FAM78B: variants seen among roughly 807,000 people sequenced by gnomAD.
FAM78B encodes family with sequence similarity 78 member B, also known as protein FAM78B.
In FAM78B, 10 loss-of-function variants were observed where a neutral mutation model predicts 20.0. That is an observed-to-expected ratio of 0.50 (90% CI 0.31 to 0.85). The LOEUF (loss-of-function observed/expected upper bound fraction) is 0.85. FAM78B is among the 40% of genes least tolerant of loss of function. The pLI is 0.05. For synonymous variants in FAM78B, 135 were observed against 132.8 expected, an observed-to-expected ratio of 1.02 and a Z score of -0.12; for missense variants, 283 against 345.0, an observed-to-expected ratio of 0.82 and a Z score of 1.42.
intron 1 of FAM78B, among the ~76,000 whole-genome samples, chr1:166,157,650 A>C (rs1048672275): frequency 2.0e-5 from 3 of 152,146 alleles, no homozygotes; most frequent in Non-Finnish European, 4.4e-5. Context: ...CCCTTCCACC[A>C]CCAGATGGGA....
chr1:166,094,042 T>C (rs1653180919), intron 1 of FAM78B, among the ~76,000 whole-genome samples: 1 of 150,426 alleles, frequency 6.6e-6, no homozygotes, highest in Admixed American at 6.6e-5. Flanking sequence ...TGTGTGTGTG[T>C]GTGTGGTGTT....
chr1:166,065,367 T>C (rs982757611), downstream of FAM78B, among the ~76,000 whole-genome samples: 4 of 152,162 alleles, frequency 2.6e-5, no homozygotes, highest in African/African-American at 9.7e-5. Context: ...TACAGGATTG[T>C]TGAGGATAAA....
At chr1:166,087,221 A>C (rs1179924349) in intron 1 of FAM78B, 1 of 151,860 alleles carries the variant, frequency 6.6e-6, no homozygotes, top group African/African-American at 2.4e-5. Flanking sequence ...GCCCGCCACC[A>C]TGCCGGCTAA....
rs1653010305 is a variant in FAM78B, at chr1:166,090,161, C to T, written c.264-19398G>A. Among the ~76,000 whole-genome samples the T allele has an allele frequency of 3.3e-5, 5 of 152,300 alleles. No homozygotes were observed. The South Asian group carries it at 1.0e-3, about 32-fold the overall frequency. On this transcript the variant is annotated intron_variant, in intron 1 of 1. Coordinates refer to ENST00000354422, the MANE Select transcript of FAM78B (RefSeq NM_001017961.5). ...CTCCCAGAGCCCTGTAATCTTCTTC[C>T]CAGTGTCTACTTTCTGGCCCTGAAC...
At chr1:166,089,975 C>A (rs533976408) in intron 1 of FAM78B, among the ~76,000 whole-genome samples, 1 of 152,182 alleles carries the variant, frequency 6.6e-6, no homozygotes, top group African/African-American at 2.4e-5. Context: ...TGGGGCTCTT[C>A]GCCCTCCTGG....
chr1:166,140,798 T>G (rs889173854), intron 1 of FAM78B, among the ~76,000 whole-genome samples: 2 of 152,232 alleles, frequency 1.3e-5, no homozygotes, highest in African/African-American at 4.8e-5. Flanking sequence ...ACCATTGATC[T>G]GTACTATGGA....
intron 1 of FAM78B, among the ~76,000 whole-genome samples, chr1:166,077,875 TA>T (rs1369861973): frequency 2.8e-3 from 10 of 3,610 alleles, no homozygotes; most frequent in Admixed American, 5.2e-3. Context: ...TATATATAAT[TA>T]TATATATAAT....
At chr1:166,109,890 G>GTATATATGTATATA (rs1557903394) in intron 1 of FAM78B, among the ~76,000 whole-genome samples, 5 of 23,198 alleles carry the variant, frequency 2.2e-4, no homozygotes, top group African/African-American at 3.7e-4. Flanking sequence ...ATGTATATAT[G>GTATATATGTATATA]TATATATATA....
At chr1:166,143,156 G>A (rs1655338388) in intron 1 of FAM78B, among the ~76,000 whole-genome samples, 1 of 152,164 alleles carries the variant, frequency 6.6e-6, no homozygotes, top group Non-Finnish European at 1.5e-5. Flanking sequence ...AGGATTAAAT[G>A]AGTTAAAACA....
chr1:166,074,524 T>C (rs1041965758), intron 1 of FAM78B, among the ~76,000 whole-genome samples: 1 of 152,218 alleles, frequency 6.6e-6, no homozygotes, highest in African/African-American at 2.4e-5. Context: ...GGCTGGCACA[T>C]AAAACTTAAT....
At chr1:166,060,788 C>G (rs1557884197) in intron 2 of FAM78B, 1 of 469,018 alleles carries the variant, frequency 2.1e-6, no homozygotes, top group Non-Finnish European at 3.3e-6. Context: ...GGGAGATGAC[C>G]CTGAAATTTT....
intron 1 of FAM78B, among the ~76,000 whole-genome samples, chr1:166,145,119 A>G (rs1314995103): frequency 6.6e-6 from 1 of 152,198 alleles, no homozygotes; most frequent in African/African-American, 2.4e-5. Flanking sequence ...TATTCCAGTC[A>G]TGGTAAAGAT....
chr1:166,148,950 C>T (rs1202327994), intron 1 of FAM78B, among the ~76,000 whole-genome samples: 1 of 152,184 alleles, frequency 6.6e-6, no homozygotes, highest in Non-Finnish European at 1.5e-5. Flanking sequence ...CAATTTCATC[C>T]TTGTCCCTAC....
rs138142990 is a variant in FAM78B, at chr1:166,100,500, T to C, written c.264-29737A>G. ...AATCGGGTCCCTCCCACCCTAATACTGTGCTTTTCCGATGGTCTTAGCAGA... is the reference window on the plus strand; with the variant it reads ...AATCGGGTCCCTCCCACCCTAATACCGTGCTTTTCCGATGGTCTTAGCAGA... On this transcript the variant is annotated intron_variant, in intron 1 of 1. Transcript: ENST00000354422. Among the ~76,000 whole-genome samples the C allele has an allele frequency of 8.3e-3, 1,264 of 152,322 alleles. 16 individuals carry two copies. Among genetic ancestry groups the C allele is most frequent in the Non-Finnish European group, 0.013 (890 of 68,022 alleles).
chr1:166,139,978 T>G (rs1412805327), intron 1 of FAM78B, among the ~76,000 whole-genome samples: 3 of 152,150 alleles, frequency 2.0e-5, no homozygotes, highest in Non-Finnish European at 4.4e-5. Flanking sequence ...AGGAAGGATG[T>G]GACAAAGGCC....
At chr1:166,115,220 C>T (rs548008356) in intron 1 of FAM78B, among the ~76,000 whole-genome samples, 3 of 152,144 alleles carry the variant, frequency 2.0e-5, no homozygotes, top group African/African-American at 4.8e-5. Context: ...GAGAAAGAGA[C>T]GATACACAAA....
intron 1 of FAM78B, among the ~76,000 whole-genome samples, chr1:166,077,185 T>C (rs370271394): frequency 1.3e-4 from 19 of 151,986 alleles, no homozygotes; most frequent in East Asian, 5.8e-4. Flanking sequence ...CGAGAAGAAG[T>C]TGGGCAACAA....
chr1:166,074,955 A>G (rs575557885), intron 1 of FAM78B, among the ~76,000 whole-genome samples: 1 of 152,330 alleles, frequency 6.6e-6, no homozygotes, highest in East Asian at 1.9e-4. Context: ...GAATAGAGAT[A>G]GGCATTCCAG....
intron 2 of FAM78B, among the ~76,000 whole-genome samples, chr1:166,063,745 C>T (rs917850016): frequency 2.0e-5 from 3 of 152,196 alleles, no homozygotes; most frequent in African/African-American, 4.8e-5. Context: ...TCATAGTCCC[C>T]AGTAAGGTCC....
Sources: allele counts gnomAD v4.1 joint callset (sites outside exome capture counted in the v4.1 genomes callset), GRCh38; gene constraint gnomAD v4.1.1; transcripts MANE v1.5; gene names NCBI Gene and HGNC (gene_info 2026-07-23, HGNC 2026-07-21).